The following CNTNAP2 variants were observed in gnomAD, a reference collection of about 807,000 sequenced individuals.
CNTNAP2 encodes contactin-associated protein-like 2.
CNTNAP2 carries 98 observed loss-of-function variants against 155.2 expected under a neutral mutation model. That is an observed-to-expected ratio of 0.63 (90% CI 0.54 to 0.75). The LOEUF (loss-of-function observed/expected upper bound fraction) is 0.75. Among genes scored for constraint, CNTNAP2 ranks in the 30% least tolerant of loss-of-function variants. The pLI is 0.00. For synonymous variants in CNTNAP2, 651 were observed against 631.2 expected (o/e 1.03, Z -0.47); for missense variants, 1,727 against 1,688.1 (o/e 1.02, Z -0.40).
rs149924857 is a variant in CNTNAP2, at chr7:147,821,752, G to A, written c.2099-81813G>A. 1.1e-3 allele frequency among the ~76,000 whole-genome samples: 165 copies of A among 152,176 alleles called. 1 individual carries two copies. Among genetic ancestry groups the A allele is most frequent in the African/African-American group, 3.6e-3 (149 of 41,538 alleles). ...AAGGTGGAAGAGCACGGTGAATGTG[G>A]TGCAGAATAAAATTGCGGCGACAGG... On this transcript the variant is annotated intron_variant, in intron 13 of 23. Transcript: ENST00000361727.
intron 13 of CNTNAP2, among the ~76,000 whole-genome samples, chr7:147,664,984 A>G (rs1330120677): frequency 2.0e-5 from 3 of 152,228 alleles, no homozygotes; most frequent in Admixed American, 2.0e-4. Context: ...TCACAAAGTC[A>G]CATTGATTAA....
chr7:147,384,825 C>T (rs187807456), intron 9 of CNTNAP2, among the ~76,000 whole-genome samples: 181 of 152,244 alleles, frequency 1.2e-3, no homozygotes, highest in Non-Finnish European at 1.9e-3. Flanking sequence ...GATAAAAAGG[C>T]CACTACTGTA....
chr7:147,491,753 AAGG>A (rs1358868724), intron 11 of CNTNAP2, among the ~76,000 whole-genome samples: 1 of 152,222 alleles, frequency 6.6e-6, no homozygotes, highest in Admixed American at 6.5e-5. Context: ...GTGAAGCTAT[AAGG>A]AGAGAGTACA....
intron 13 of CNTNAP2, among the ~76,000 whole-genome samples, chr7:147,789,932 C>A (rs1226186782): frequency 6.6e-6 from 1 of 152,218 alleles, no homozygotes; most frequent in African/African-American, 2.4e-5. Context: ...GGGACTGGGA[C>A]TGAGCCACTA....
intron 1 of CNTNAP2, among the ~76,000 whole-genome samples, chr7:146,258,404 C>A (rs1199940122): frequency 6.6e-6 from 1 of 152,008 alleles, no homozygotes; most frequent in Non-Finnish European, 1.5e-5. Context: ...AAGTACAGAA[C>A]AATCAAATTT....
At chr7:147,686,331 G>GA (rs768205856) in intron 13 of CNTNAP2, among the ~76,000 whole-genome samples, 2 of 152,046 alleles carry the variant, frequency 1.3e-5, no homozygotes, top group Non-Finnish European at 2.9e-5. Context: ...AAAGAATGCA[G>GA]AAAAAGAAGG....
intron 3 of CNTNAP2, among the ~76,000 whole-genome samples, chr7:147,008,601 C>A (rs997799431): frequency 6.6e-6 from 1 of 151,978 alleles, no homozygotes; most frequent in African/African-American, 2.4e-5. Flanking sequence ...TGCATACACA[C>A]GTAAGTACGC....
At chr7:146,849,818 A>C (rs1206804573) in intron 3 of CNTNAP2, among the ~76,000 whole-genome samples, 2 of 152,180 alleles carry the variant, frequency 1.3e-5, no homozygotes, top group Non-Finnish European at 2.9e-5. Context: ...TAAAGAATGC[A>C]AGTAAGTAGT....
rs1797991116 is a variant in CNTNAP2, at chr7:146,148,751, T to C, written c.97+31778T>C. Reference sequence around the variant, plus strand: ...TAATGTATAAGAATATAGCATTCTATTATACACAGGAGAACATGATACATT... The same window carrying C: ...TAATGTATAAGAATATAGCATTCTACTATACACAGGAGAACATGATACATT... On this transcript the variant is annotated intron_variant, in intron 1 of 23. Coordinates refer to ENST00000361727, the MANE Select transcript of CNTNAP2 (RefSeq NM_014141.6). 3.3e-5 allele frequency among the ~76,000 whole-genome samples: 5 copies of C among 152,222 alleles called. No homozygotes were observed. The South Asian group carries it at 1.0e-3, about 32-fold the overall frequency.
intron 11 of CNTNAP2, among the ~76,000 whole-genome samples, chr7:147,520,181 G>C (rs556973136): frequency 7.2e-4 from 110 of 152,282 alleles, no homozygotes; most frequent in African/African-American, 2.4e-3. Context: ...TTATGAACAC[G>C]AATACTTGGC....
intron 1 of CNTNAP2, among the ~76,000 whole-genome samples, chr7:146,369,499 T>C (rs1795203076): frequency 6.6e-6 from 1 of 152,198 alleles, no homozygotes; most frequent in Non-Finnish European, 1.5e-5. Flanking sequence ...AGAATTGTCT[T>C]CTAATAAGTC....
rs1584886798 is a variant in CNTNAP2, at chr7:146,357,249, AAAGAG to A, written c.97+240277_97+240281del. 6.6e-5 allele frequency among the ~76,000 whole-genome samples: 10 copies of A among 151,824 alleles called. No individual in the cohort carries two copies. In the East Asian group the frequency reaches 1.9e-3, roughly 29 times the overall value. ...CAGTGCTCCAAAAAAAAAAAAAAAAAAAGAGGTCGAAACAAAATAAAACATACCCC... is the reference window on the plus strand; with the variant it reads ...CAGTGCTCCAAAAAAAAAAAAAAAAAGTCGAAACAAAATAAAACATACCCC... On this transcript the variant is annotated intron_variant, in intron 1 of 23. Coordinates refer to ENST00000361727, the MANE Select transcript of CNTNAP2 (RefSeq NM_014141.6).
At chr7:146,574,154 G>T (rs543448374) in intron 1 of CNTNAP2, among the ~76,000 whole-genome samples, 1 of 152,002 alleles carries the variant, frequency 6.6e-6, no homozygotes, top group African/African-American at 2.4e-5. Context: ...GGGATTCCAT[G>T]ATTTTAGAGT....
chr7:147,949,458 A>ATATATATATATATATATTTT, intron 14 of CNTNAP2, among the ~76,000 whole-genome samples: 1 of 137,406 alleles, frequency 7.3e-6, no homozygotes, highest in South Asian at 2.4e-4. Context: ...ATATATATAT[A>ATATATATATATATATATTTT]TTTTTTTTTT....
chr7:147,224,253 T>C (rs1480920598), intron 8 of CNTNAP2, among the ~76,000 whole-genome samples: 4 of 152,172 alleles, frequency 2.6e-5, no homozygotes. Flanking sequence ...GCTCCTTACA[T>C]GAAGAACCAG....
chr7:147,026,203 C>T (rs991626229), intron 3 of CNTNAP2, among the ~76,000 whole-genome samples: 4 of 152,050 alleles, frequency 2.6e-5, no homozygotes, highest in African/African-American at 9.7e-5. Context: ...TTTGAAAGTT[C>T]ATAGTGTATA....
chr7:146,781,577 C>T (rs550635304), intron 2 of CNTNAP2, among the ~76,000 whole-genome samples: 1 of 152,248 alleles, frequency 6.6e-6, no homozygotes, highest in South Asian at 2.1e-4. Flanking sequence ...CTTACATACA[C>T]ATGTCCCCCT....
At chr7:146,647,977 A>G (rs575187624) in intron 1 of CNTNAP2, among the ~76,000 whole-genome samples, 55 of 152,168 alleles carry the variant, frequency 3.6e-4, no homozygotes, top group African/African-American at 1.3e-3. Flanking sequence ...CAACCTTTCC[A>G]ACTCATCACC....
intron 9 of CNTNAP2, among the ~76,000 whole-genome samples, chr7:147,326,935 G>A (rs2222598): frequency 0.79 from 120,490 of 152,184 alleles, 48,388 homozygotes; most frequent in African/African-American, 0.93. Flanking sequence ...CTAATATAAT[G>A]GGTACTTAAT....
Sources: gnomAD v4.1 joint callset for allele counts (sites outside exome capture counted in the v4.1 genomes callset) on GRCh38, gnomAD v4.1.1 for gene constraint, MANE v1.5 for transcripts, NCBI Gene and HGNC (gene_info 2026-07-23, HGNC 2026-07-21) for gene names.